Variants in TOX3 observed in about 807,000 individuals in gnomAD.
The protein encoded by TOX3 is CAG trinucleotide repeat-containing gene F9 protein.
In TOX3, 22 loss-of-function variants were observed where a neutral mutation model predicts 64.3. The ratio of observed to expected loss-of-function variants is 0.34; its 90% confidence interval spans 0.24 to 0.49. The LOEUF (loss-of-function observed/expected upper bound fraction) is 0.49. TOX3 is among the 20% of genes least tolerant of loss of function. TOX3 has a pLI of 0.99. For missense variants in TOX3, 661 were observed against 714.4 expected, an observed-to-expected ratio of 0.93 and a Z score of 0.85; for synonymous variants, 291 against 273.6, an observed-to-expected ratio of 1.06 and a Z score of -0.63.
intron 1 of TOX3, among the ~76,000 whole-genome samples, chr16:52,538,413 A>G (rs1338978306): frequency 6.6e-6 from 1 of 152,184 alleles, no homozygotes; most frequent in African/African-American, 2.4e-5. Flanking sequence ...TTAGCTGTAG[A>G]AATTGCTGGA....
chr16:52,471,210 T>G (rs993988465), intron 1 of TOX3, among the ~76,000 whole-genome samples: 2 of 152,236 alleles, frequency 1.3e-5, no homozygotes, highest in African/African-American at 4.8e-5. Context: ...GTGCTGTGTA[T>G]TTTTATTTGG....
rs575534195 is a variant in TOX3 at position 52,493,349 on chromosome 16, T to A, written c.88-24775A>T. On this transcript the variant is annotated intron_variant, in intron 1 of 6. Transcript: ENST00000219746. ...CCTCTTCCTCTCAGAATCCAGCTCT[T>A]TGGGAAAGTGAGAGTGCAATTTTTA... 2.2e-4 allele frequency among the ~76,000 whole-genome samples: 34 copies of A among 152,214 alleles called. 1 individual carries two copies. Among genetic ancestry groups the A allele is most frequent in the Admixed American group, 2.1e-3 (32 of 15,282 alleles).
At chr16:52,451,847 A>G (rs1960360222) in intron 3 of TOX3, among the ~76,000 whole-genome samples, 1 of 152,200 alleles carries the variant, frequency 6.6e-6, no homozygotes, top group African/African-American at 2.4e-5. Flanking sequence ...GCATTGACCT[A>G]GGGCAGAGTT....
intron 2 of TOX3, among the ~76,000 whole-genome samples, chr16:52,467,015 C>T (rs951432157): frequency 6.6e-6 from 1 of 152,130 alleles, no homozygotes; most frequent in African/African-American, 2.4e-5. Context: ...TATTTTTTTA[C>T]AGATATTGAC....
At chr16:52,486,141 C>T (rs1457157772) in intron 1 of TOX3, among the ~76,000 whole-genome samples, 1 of 152,044 alleles carries the variant, frequency 6.6e-6, no homozygotes, top group East Asian at 1.9e-4. Context: ...GAATGAGGCC[C>T]CCCGTAGTGA....
chr16:52,466,706 AT>A lies in TOX3; in HGVS notation c.153+1802del, dbSNP rs577080845. Reference sequence around the variant, plus strand: ...ATATGCAATATGTCCCTATGGTATAATTTTTTTAACGACAAATTAATTTCAA... The same window carrying A: ...ATATGCAATATGTCCCTATGGTATAATTTTTTAACGACAAATTAATTTCAA... On this transcript the variant is annotated intron_variant, in intron 2 of 6. Coordinates refer to ENST00000219746, the MANE Select transcript of TOX3 (RefSeq NM_001080430.4). 9.2e-5 allele frequency among the ~76,000 whole-genome samples: 14 copies of A among 152,246 alleles called. No individual in the cohort carries two copies. In the East Asian group the frequency reaches 2.3e-3, roughly 25 times the overall value.
intron 1 of TOX3, among the ~76,000 whole-genome samples, chr16:52,482,645 T>C (rs1961398909): frequency 6.6e-6 from 1 of 152,074 alleles, no homozygotes; most frequent in Non-Finnish European, 1.5e-5. Context: ...GGAGAGAAAA[T>C]TCTTGTTGAG....
rs1959842530 is a variant in TOX3 at position 52,439,030 on chromosome 16, T to C, written c.*195A>G. ...CTTTTCTTGTTTAAAAACAAAGTGATTTATAGTCAGCTAAAAGATGTTACT... is the reference window on the plus strand; with the variant it reads ...CTTTTCTTGTTTAAAAACAAAGTGACTTATAGTCAGCTAAAAGATGTTACT... On this transcript the variant is annotated 3_prime_UTR_variant, in exon 7 of 7. Coordinates refer to ENST00000219746, the MANE Select transcript of TOX3 (RefSeq NM_001080430.4). 1.2e-6 allele frequency: 1 copy of C among 824,750 alleles called. No homozygotes were observed. The highest frequency in any genetic ancestry group is 2.5e-5 in the East Asian group (1 of 39,900). 51.1% of individuals were successfully genotyped at this position (824,750 alleles called of 1,614,324 possible).
intron 4 of TOX3, among the ~76,000 whole-genome samples, chr16:52,448,779 T>C (rs971725201): frequency 6.6e-6 from 1 of 152,086 alleles, no homozygotes; most frequent in Non-Finnish European, 1.5e-5. Flanking sequence ...TACTTTCACA[T>C]CTTCTCATCC....
chr16:52,450,615 G>T (rs1323634743), intron 3 of TOX3, 69 bp from the exon 4 acceptor site: 2 of 1,590,406 alleles, frequency 1.3e-6, no homozygotes, highest in Non-Finnish European at 1.7e-6. Context: ...TATCAGGTTA[G>T]CATCTCCTTA....
At chr16:52,458,926 A>G (rs1325843334) in intron 3 of TOX3, among the ~76,000 whole-genome samples, 1 of 152,188 alleles carries the variant, frequency 6.6e-6, no homozygotes, top group South Asian at 2.1e-4. Context: ...CAGCAGTCAG[A>G]TTGAATCTCT....
chr16:52,447,272 G>A (rs1478975160), intron 4 of TOX3, among the ~76,000 whole-genome samples: 1 of 152,168 alleles, frequency 6.6e-6, no homozygotes, highest in African/African-American at 2.4e-5. Flanking sequence ...GACAAAATCT[G>A]TTTTCAAAGC....
chr16:52,477,849 T>C (rs767793671), intron 1 of TOX3, among the ~76,000 whole-genome samples: 17 of 152,178 alleles, frequency 1.1e-4, no homozygotes, highest in Non-Finnish European at 2.2e-4. Context: ...ATGTTTAATT[T>C]TTTTAAGAGA....
At chr16:52,527,633 C>G (rs931319785) in intron 1 of TOX3, among the ~76,000 whole-genome samples, 2 of 152,162 alleles carry the variant, frequency 1.3e-5, no homozygotes, top group Non-Finnish European at 2.9e-5. Context: ...GATCCAGGAG[C>G]CTCCTTCCCT....
intron 1 of TOX3, among the ~76,000 whole-genome samples, chr16:52,479,190 T>C (rs1016562589): frequency 1.3e-5 from 2 of 151,946 alleles, no homozygotes; most frequent in Non-Finnish European, 2.9e-5. Context: ...ATGTGTAGGA[T>C]CTCACCTGTA....
rs573143709 is a variant in TOX3 at position 52,466,886 on chromosome 16, A to G, written c.153+1623T>C. 9.8e-5 allele frequency among the ~76,000 whole-genome samples: 15 copies of G among 152,308 alleles called. No individual in the cohort carries two copies. In the East Asian group the frequency reaches 2.7e-3, roughly 27 times the overall value. ...GAATCCAAAATGCTGGATATCTGAG[A>G]TTATAAAAAAATAACCACATATGGC... On this transcript the variant is annotated intron_variant, in intron 2 of 6. Coordinates refer to ENST00000219746, the MANE Select transcript of TOX3 (RefSeq NM_001080430.4).
chr16:52,441,344 C>T (rs569896275), intron 6 of TOX3, among the ~76,000 whole-genome samples: 2 of 152,130 alleles, frequency 1.3e-5, no homozygotes, highest in East Asian at 3.9e-4. Context: ...AGTTCATCAA[C>T]TATTTTTGAA....
chr16:52,450,167 T>A, intron 4 of TOX3, 110 bp downstream of exon 4: 1 of 1,277,204 alleles, frequency 7.8e-7, no homozygotes, highest in South Asian at 1.4e-5. Flanking sequence ...ATTTAAATGC[T>A]ACTCCAAATC....
At chr16:52,543,674 G>C (rs566630276) in intron 1 of TOX3, among the ~76,000 whole-genome samples, 209 of 152,262 alleles carry the variant, frequency 1.4e-3, no homozygotes, top group African/African-American at 4.8e-3. Context: ...ATGACTTTAA[G>C]TTTATACATC....
Sources: gnomAD v4.1 joint callset for allele counts (sites outside exome capture counted in the v4.1 genomes callset) on GRCh38, gnomAD v4.1.1 for gene constraint, MANE v1.5 for transcripts, NCBI Gene and HGNC (gene_info 2026-07-23, HGNC 2026-07-21) for gene names.